TASP1: variants seen among roughly 807,000 people sequenced by gnomAD.
TASP1 encodes the protein taspase 1.
Under a neutral mutation model 56.6 loss-of-function variants are expected in TASP1, and 16 were observed. That is an observed-to-expected ratio of 0.28 (90% CI 0.19 to 0.43). The LOEUF (loss-of-function observed/expected upper bound fraction) is 0.43, where lower values mean the gene tolerates loss of function less well. TASP1 is among the 20% of genes least tolerant of loss of function. The pLI is 1.00. For missense variants in TASP1, 393 were observed against 511.6 expected, an observed-to-expected ratio of 0.77 and a Z score of 2.24; for synonymous variants, 179 against 184.2, an observed-to-expected ratio of 0.97 and a Z score of 0.23.
At chr20:13,222,590 T>C in the TASP1 span, among the ~76,000 whole-genome samples, 1 of 152,078 alleles carries the variant, frequency 6.6e-6, no homozygotes, top group Non-Finnish European at 1.5e-5. Context: ...GCTTTTAAAC[T>C]TGTAGCAAAG....
the TASP1 span, among the ~76,000 whole-genome samples, chr20:13,125,177 C>G: frequency 6.6e-6 from 1 of 152,122 alleles, no homozygotes; most frequent in African/African-American, 2.4e-5. Flanking sequence ...CTCACCACTG[C>G]GGCATTAGAT....
chr20:13,255,190 G>T, the TASP1 span, among the ~76,000 whole-genome samples: 1 of 152,238 alleles, frequency 6.6e-6, no homozygotes, highest in Non-Finnish European at 1.5e-5. Flanking sequence ...CTCTCTGGAG[G>T]TGACATTTAA....
the TASP1 span, among the ~76,000 whole-genome samples, chr20:13,318,824 C>G: frequency 6.6e-6 from 1 of 152,010 alleles, no homozygotes; most frequent in African/African-American, 2.4e-5. Context: ...CTAGAAAAGG[C>G]AAAACTATGA....
the TASP1 span, among the ~76,000 whole-genome samples, chr20:13,327,573 T>A: frequency 6.6e-6 from 1 of 152,202 alleles, no homozygotes; most frequent in Non-Finnish European, 1.5e-5. Flanking sequence ...AAGGTCACAG[T>A]AACCAAAACA....
the TASP1 span, among the ~76,000 whole-genome samples, chr20:13,150,207 A>T: frequency 6.6e-6 from 1 of 152,130 alleles, no homozygotes; most frequent in African/African-American, 2.4e-5. Flanking sequence ...GTTTCAATGT[A>T]TGGGTGATTT....
At chr20:13,619,377 T>C (rs1294553462) in intron 4 of TASP1, among the ~76,000 whole-genome samples, 2 of 152,192 alleles carry the variant, frequency 1.3e-5, no homozygotes, top group Non-Finnish European at 2.9e-5. Flanking sequence ...ATTTCACCTA[T>C]TATTACTCAT....
At chr20:13,443,967 G>C (rs573932716) in intron 11 of TASP1, among the ~76,000 whole-genome samples, 1 of 152,294 alleles carries the variant, frequency 6.6e-6, no homozygotes, top group Non-Finnish European at 1.5e-5. Flanking sequence ...CAAATGGACA[G>C]AACAAAGAGC....
intron 7 of TASP1, among the ~76,000 whole-genome samples, chr20:13,566,204 G>A (rs896012272): frequency 2.6e-5 from 4 of 152,152 alleles, no homozygotes; most frequent in African/African-American, 7.2e-5. Context: ...AATGGGTACA[G>A]CTTTGGTGTT....
At chr20:13,187,842 T>A in the TASP1 span, among the ~76,000 whole-genome samples, 1 of 150,476 alleles carries the variant, frequency 6.6e-6, no homozygotes, top group Non-Finnish European at 1.5e-5. Flanking sequence ...GGACTTCTCA[T>A]CAGAACCATA....
At chr20:13,116,817 A>T in the TASP1 span, among the ~76,000 whole-genome samples, 1 of 152,202 alleles carries the variant, frequency 6.6e-6, no homozygotes, top group Non-Finnish European at 1.5e-5. Context: ...AGCCCACCCA[A>T]TACCGACTGA....
chr20:13,431,865 C>T (rs1268053760), intron 12 of TASP1, among the ~76,000 whole-genome samples: 29 of 152,098 alleles, frequency 1.9e-4, no homozygotes, highest in Non-Finnish European at 1.5e-5. Flanking sequence ...CACACTTAGC[C>T]CCCTCACCAT....
chr20:13,543,139 T>C (rs771202724), intron 8 of TASP1, among the ~76,000 whole-genome samples: 5 of 152,152 alleles, frequency 3.3e-5, no homozygotes, highest in Non-Finnish European at 7.4e-5. Context: ...CCTCCAACAC[T>C]AGCCTCATCT....
intron 8 of TASP1, among the ~76,000 whole-genome samples, chr20:13,534,751 T>C (rs1193946247): frequency 6.6e-6 from 1 of 152,134 alleles, no homozygotes; most frequent in East Asian, 1.9e-4. Flanking sequence ...TGTACGTTCT[T>C]GGAAGGTTTG....
In TASP1 at chr20:13,414,193, G is replaced by A. The variant is rs558423791; in HGVS notation, c.1170+3255C>T. On this transcript the variant is annotated intron_variant, in intron 13 of 13. Transcript: ENST00000337743. ...TGACATTGACATTATTGAAGAACAC[G>A]TTTCTTTCTTTCTTTCTTCACAGAA... Among the ~76,000 whole-genome samples the A allele has an allele frequency of 3.9e-5, 6 of 152,114 alleles. No individual in the cohort carries two copies. In the South Asian group the frequency reaches 8.3e-4, roughly 21 times the overall value.
At chr20:13,229,561 C>T in the TASP1 span, among the ~76,000 whole-genome samples, 1 of 152,134 alleles carries the variant, frequency 6.6e-6, no homozygotes, top group Admixed American at 6.5e-5. Flanking sequence ...ATTTGTATAT[C>T]CCCATCAATG....
At chr20:13,221,094 C>T in the TASP1 span, among the ~76,000 whole-genome samples, 1 of 152,060 alleles carries the variant, frequency 6.6e-6, no homozygotes, top group Non-Finnish European at 1.5e-5. Flanking sequence ...TGCGGGGCGG[C>T]GCGGCAGGCG....
the TASP1 span, among the ~76,000 whole-genome samples, chr20:13,160,533 GA>G: frequency 2.0e-5 from 3 of 152,104 alleles, no homozygotes; most frequent in Non-Finnish European, 4.4e-5. Flanking sequence ...CAACATGTTG[GA>G]AAACCAACAA....
chr20:13,484,008 G>C (rs1260209194), intron 10 of TASP1, among the ~76,000 whole-genome samples: 2 of 152,114 alleles, frequency 1.3e-5, no homozygotes, highest in Non-Finnish European at 2.9e-5. Context: ...GGATATGCAA[G>C]AACACTTCTC....
At chr20:13,126,608 A>G in the TASP1 span, 1 of 1,613,766 alleles carries the variant, frequency 6.2e-7, no homozygotes, top group Non-Finnish European at 8.5e-7. Flanking sequence ...TGGATTATTT[A>G]CGGGTTCACT....
Sources: gnomAD v4.1 joint callset for allele counts (sites outside exome capture counted in the v4.1 genomes callset) on GRCh38, gnomAD v4.1.1 for gene constraint, MANE v1.5 for transcripts, NCBI Gene and HGNC (gene_info 2026-07-23, HGNC 2026-07-21) for gene names.